Variants in UTP20 observed in about 807,000 individuals in gnomAD.
UTP20 encodes UTP20 small subunit processome component, also known as small subunit processome component 20 homolog.
Under a neutral mutation model 329.5 loss-of-function variants are expected in UTP20, and 164 were observed. The observed-to-expected ratio is 0.50, with a 90% CI of 0.44 to 0.57. UTP20 has a LOEUF of 0.57. Ranked by LOEUF, UTP20 falls within the 20% of genes least tolerant of loss-of-function variation. The probability of loss-of-function intolerance (pLI) is 0.00; values close to 1 mark genes in which losing one functional copy is unlikely to be tolerated. For synonymous variants in UTP20, 1,151 were observed against 1,159.3 expected (o/e 0.99, Z 0.14); for missense variants, 3,055 against 3,284.2 (o/e 0.93, Z 1.71).
intron 8 of UTP20, 99 bp from the exon 9 acceptor site, chr12:101,291,643 A>G: frequency 7.7e-7 from 1 of 1,295,982 alleles, no homozygotes; most frequent in South Asian, 2.1e-5. Context: ...TTCCAAAGCA[A>G]GAGAATGGGA....
chr12:101,351,315 T>C (rs1869513371), intron 38 of UTP20, among the ~76,000 whole-genome samples: 3 of 151,932 alleles, frequency 2.0e-5, no homozygotes, highest in Non-Finnish European at 4.4e-5. Flanking sequence ...TTAGTAGAGA[T>C]GGGGTTTCAC....
Position 101,340,613 on chromosome 12 carries a change from A to T in UTP20, c.4101+3A>T. The stretch of plus-strand genomic sequence containing the variant: ...TCCACCGTGGCAATATTGCTGAGGT[A>T]CAAACTCATAGGACACTTAACTTTG... On this transcript the variant is annotated splice_donor_region_variant and intron_variant, in intron 32 of 61. Coordinates refer to ENST00000261637, the MANE Select transcript of UTP20 (RefSeq NM_014503.3). 1.9e-6 allele frequency: 3 copies of T among 1,592,882 alleles called. No homozygotes were observed. The highest frequency in any genetic ancestry group is 2.6e-6 in the Non-Finnish European group (3 of 1,161,816).
chr12:101,329,169 A>C, intron 26 of UTP20, 72 bp from the exon 27 acceptor site: 1 of 1,332,728 alleles, frequency 7.5e-7, no homozygotes. Context: ...AATGGAAATA[A>C]AACTACAATT....
In UTP20 at chr12:101,367,945, T is replaced by A; in HGVS notation, c.6353T>A (p.Leu2118His). 2 of 1,613,562 alleles carry A rather than the reference T, an allele frequency of 1.2e-6. No homozygotes were observed. ...LEMLDPFVSL[L>H]IDCLGSMDVK... ...ATGCTGGATCCTTTTGTGTCTCTCCTCATAGACTGCCTGGGCTCCATGGAT... is the reference window on the plus strand; with the variant it reads ...ATGCTGGATCCTTTTGTGTCTCTCCACATAGACTGCCTGGGCTCCATGGAT... The change falls in exon 48 of 62, where the codon CTC (leucine) becomes CAC (histidine). Residue 2118 changes from leucine (L) to histidine (H), a missense_variant. Physicochemically the swap from Leu to His is moderately conservative, Grantham distance 99 (BLOSUM62 -3). Coordinates refer to ENST00000261637, the MANE Select transcript of UTP20 (RefSeq NM_014503.3).
At chr12:101,334,626 C>A in intron 29 of UTP20, 122 bp downstream of exon 29, 1 of 752,436 alleles carries the variant, frequency 1.3e-6, no homozygotes, top group Non-Finnish European at 2.1e-6. Context: ...ACTTTTGGTA[C>A]AGTTAGAGAA....
intron 25 of UTP20, among the ~76,000 whole-genome samples, chr12:101,324,483 G>C (rs963481840): frequency 6.6e-6 from 1 of 152,058 alleles, no homozygotes; most frequent in Admixed American, 6.6e-5. Context: ...TGTCCCGGCT[G>C]GTCTCAAAAC....
At chr12:101,348,707 T>C (rs2120956420) in intron 38 of UTP20, among the ~76,000 whole-genome samples, 1 of 150,660 alleles carries the variant, frequency 6.6e-6, no homozygotes, top group East Asian at 1.9e-4. Flanking sequence ...TGTTGTTGTT[T>C]CCTTTTTTTG....
At chr12:101,359,331 G>A (rs1016123457) in intron 43 of UTP20, among the ~76,000 whole-genome samples, 1 of 152,118 alleles carries the variant, frequency 6.6e-6, no homozygotes, top group Non-Finnish European at 1.5e-5. Flanking sequence ...CTCCCAAAAT[G>A]CTGGGATTAC....
Position 101,354,910 on chromosome 12 carries a change from C to T in UTP20, c.5186C>T (p.Thr1729Ile). The change falls in exon 41 of 62, where the codon ACA becomes ATA. Residue 1729 changes from threonine (T) to isoleucine (I), a missense_variant. Thr to Ile is a moderately conservative substitution (Grantham distance 89). This residue lies in a region of UTP20 where 2,445 missense variants were observed against 2,575.5 expected (regional missense o/e 0.95). Transcript: ENST00000261637. Reference protein sequence around the residue: ...ERVDEEEKEYTCKSLSDNGQP... With the variant: ...ERVDEEEKEYICKSLSDNGQP... ...GTGGATGAGGAAGAGAAGGAATATACATGCAAGAGTTTGTCAGACAACGGA... is the reference window on the plus strand; with the variant it reads ...GTGGATGAGGAAGAGAAGGAATATATATGCAAGAGTTTGTCAGACAACGGA... 1.9e-6 allele frequency: 3 copies of T among 1,614,188 alleles called. No homozygotes were observed. Among genetic ancestry groups the T allele is most frequent in the Non-Finnish European group, 1.7e-6 (2 of 1,180,036 alleles).
At chr12:101,376,030 A>G (rs773253089) in intron 56 of UTP20, among the ~76,000 whole-genome samples, 2 of 151,834 alleles carry the variant, frequency 1.3e-5, no homozygotes, top group Non-Finnish European at 2.9e-5. Context: ...TTTCCTATTT[A>G]TTTATTTTCC....
At chr12:101,331,152 A>G (rs1868745329) in intron 27 of UTP20, among the ~76,000 whole-genome samples, 4 of 152,180 alleles carry the variant, frequency 2.6e-5, no homozygotes, top group African/African-American at 4.8e-5. Flanking sequence ...AAATTCTATG[A>G]TTGCTCATTT....
chr12:101,306,593 G>C (rs79391430), intron 16 of UTP20, 106 bp from the exon 17 acceptor site: 1 of 1,048,094 alleles, frequency 9.5e-7, no homozygotes, highest in Admixed American at 2.5e-5. Context: ...TGGTCAAATG[G>C]TATTTTTTTT....
In UTP20 at chr12:101,379,442, C is replaced by T. The variant is rs1424805824; in HGVS notation, c.7468C>T (p.Leu2490Phe). Residue 2490 changes from leucine to phenylalanine, a missense_variant, in exon 57 of 62, where the codon CTC becomes TTC. By Grantham distance (22) the Leu-to-Phe change is conservative. Around this residue, in one of 3 missense-constraint regions of UTP20, gnomAD observed 337 missense variants for 345.5 expected, o/e 0.98. Coordinates refer to ENST00000261637, the MANE Select transcript of UTP20 (RefSeq NM_014503.3). ...CACAGCAGCCCAGATTTTTGGATTA[C>T]TCTTTGCCTCTTGCCAGCCAGAGGA... ...WLTAAQIFGL[L>F]FASCQPEELI... The T allele has an allele frequency of 6.2e-7, 1 of 1,614,104 alleles. No homozygotes were observed. Among genetic ancestry groups the T allele is most frequent in the Admixed American group, 1.7e-5 (1 of 60,032 alleles).
intron 24 of UTP20, 81 bp from the exon 25 acceptor site, chr12:101,321,423 T>G: frequency 6.4e-7 from 1 of 1,571,062 alleles, no homozygotes; most frequent in East Asian, 2.3e-5. Flanking sequence ...TAGTTATTAC[T>G]CTGTGTACAT....
At chr12:101,302,654 A>G in intron 15 of UTP20, 101 bp downstream of exon 15, 1 of 717,732 alleles carries the variant, frequency 1.4e-6, no homozygotes, top group South Asian at 2.1e-5. Context: ...GATCTATTTT[A>G]TACCTGAGTT....
chr12:101,353,588 C>G (rs1457991249), intron 40 of UTP20, among the ~76,000 whole-genome samples: 1 of 152,148 alleles, frequency 6.6e-6, no homozygotes, highest in Non-Finnish European at 1.5e-5. Context: ...GTAATCCCAG[C>G]AACTTGGAAG....
Position 101,338,121 on chromosome 12 carries a change from A to G in UTP20, c.3712A>G (p.Ile1238Val), listed in dbSNP as rs572010130. 4 of 1,614,150 alleles carry G rather than the reference A, an allele frequency of 2.5e-6. No homozygotes were observed. The South Asian group carries it at 3.3e-5, about 13-fold the overall frequency. The part of the protein sequence containing the change: ...ECDILTNVFA[I>V]LSAKNLSDAT... ...TGATATCCTGACCAATGTTTTTGCAATTCTCTCAGCGAAGAATCTTTCTGA... is the reference window on the plus strand; with the variant it reads ...TGATATCCTGACCAATGTTTTTGCAGTTCTCTCAGCGAAGAATCTTTCTGA... The change falls in exon 30 of 62, where the codon ATT (isoleucine) becomes GTT (valine). Residue 1238 changes from isoleucine to valine, a missense_variant. Physicochemically the swap from Ile to Val is conservative, Grantham distance 29. Transcript: ENST00000261637.
chr12:101,317,975 G>A lies in UTP20; in HGVS notation c.2738+312G>A, dbSNP rs368712544. On this transcript the variant is annotated intron_variant, in intron 22 of 61. Transcript: ENST00000261637. The stretch of plus-strand genomic sequence containing the variant: ...TTTGGATATTCTTTTGACCTTTGTC[G>A]TGCACTTTCCCAGCGTGAGGGTATT... Among the ~76,000 whole-genome samples the A allele has an allele frequency of 1.2e-4, 19 of 152,210 alleles. No individual in the cohort carries two copies. The East Asian group carries it at 1.5e-3, about 12-fold the overall frequency.
intron 49 of UTP20, 51 bp downstream of exon 49, chr12:101,369,942 A>G (rs747532697): frequency 1.9e-6 from 3 of 1,560,400 alleles, no homozygotes; most frequent in African/African-American, 1.4e-5. Context: ...AGCTGGATGC[A>G]ATAGCTCGTA....
Sources: allele counts gnomAD v4.1 joint callset (sites outside exome capture counted in the v4.1 genomes callset), GRCh38; gene constraint gnomAD v4.1.1; regional missense constraint gnomAD v4.1.1; transcripts MANE v1.5; gene names NCBI Gene and HGNC (gene_info 2026-07-23, HGNC 2026-07-21).